Variants in OSBPL5 observed in about 807,000 individuals in gnomAD.
OSBPL5 encodes the protein oxysterol binding protein like 5, also known as oxysterol-binding protein-related protein 5.
A neutral mutation model predicts 111.2 loss-of-function variants in OSBPL5; 71 were observed. The ratio of observed to expected loss-of-function variants is 0.64; its 90% CI spans 0.53 to 0.78. OSBPL5 has a LOEUF of 0.78. Ranked by LOEUF, OSBPL5 falls within the 30% of genes least tolerant of loss-of-function variation. The pLI is 0.00. For missense variants in OSBPL5, 1,210 were observed against 1,189.3 expected, an observed-to-expected ratio of 1.02 and a Z score of -0.26; for synonymous variants, 549 against 513.9, an observed-to-expected ratio of 1.07 and a Z score of -0.93.
At chr11:3,163,357 C>G (rs1008280362) in intron 1 of OSBPL5, among the ~76,000 whole-genome samples, 1 of 152,194 alleles carries the variant, frequency 6.6e-6, no homozygotes, top group Non-Finnish European at 1.5e-5. Flanking sequence ...ACACAGCTGG[C>G]AGAGACACAC....
At chr11:3,108,415 TG>T (rs1857788696) in intron 7 of OSBPL5, among the ~76,000 whole-genome samples, 1 of 152,152 alleles carries the variant, frequency 6.6e-6, no homozygotes, top group East Asian at 1.9e-4. Context: ...CCTCCCTCAC[TG>T]GGAAGCACTG....
intron 14 of OSBPL5, among the ~76,000 whole-genome samples, chr11:3,098,432 C>T (rs1021694072): frequency 6.7e-6 from 1 of 149,680 alleles, no homozygotes; most frequent in African/African-American, 2.5e-5. Context: ...CAAACAAAAA[C>T]CTTCAATCAG....
chr11:3,157,482 G>A (rs1366363851), intron 1 of OSBPL5, among the ~76,000 whole-genome samples: 1 of 152,190 alleles, frequency 6.6e-6, no homozygotes, highest in Non-Finnish European at 1.5e-5. Flanking sequence ...CACCCCGATG[G>A]AGGCAGGCTT....
At chr11:3,108,194 C>G (rs1046715538) in intron 7 of OSBPL5, among the ~76,000 whole-genome samples, 1 of 152,164 alleles carries the variant, frequency 6.6e-6, no homozygotes. Context: ...GAGGCAGACC[C>G]GGCCTGGGGA....
At position 3,126,778 on chromosome 11, in the gene OSBPL5, C is replaced by G. The variant is rs910505651; in HGVS notation, c.137-223G>C. On this transcript the variant is annotated intron_variant, in intron 2 of 21. Coordinates refer to ENST00000263650, the MANE Select transcript of OSBPL5 (RefSeq NM_020896.4). This position sits in a 1 kb window ranked among gnomAD's most constrained non-coding sequence, Gnocchi z 6.5. ...TGTGCCAGGAGAACTGGCAGGGCCT[C>G]CAGGACCTACAGGGAGGAAGCTGGG... 8.9e-6 allele frequency: 4 copies of G among 449,078 alleles called. No homozygotes were observed. The highest frequency in any genetic ancestry group is 1.6e-5 in the Non-Finnish European group (4 of 248,948). The allele number at this position is 449,078 out of a possible 1,614,324, so 27.8% of individuals were successfully genotyped here. A position where few individuals can be genotyped will look rare whatever the true frequency, so the allele number is the denominator to read the frequency against.
chr11:3,088,453 G>A (rs914434661), intron 21 of OSBPL5, 110 bp from the exon 22 acceptor site: 9 of 1,248,488 alleles, frequency 7.2e-6, no homozygotes, highest in Admixed American at 7.6e-5. Flanking sequence ...ACACAGGGCC[G>A]AGGTGGAGAT....
In OSBPL5 at chr11:3,129,143, C is replaced by A; in HGVS notation, c.6G>T (p.Lys2Asn). ...AGCGGCGCCGGAGGAAGGCCTCCTC[C>A]TTCATGCTGTGGGCGCTCGGGGGCT... M[K>N]EEAFLRRRFS... Residue 2 changes from lysine (K) to asparagine (N), a missense_variant, in exon 2 of 22, where the codon AAG (lysine) becomes AAT (asparagine). Lys to Asn is a moderately conservative substitution (Grantham distance 94). Transcript: ENST00000263650. 6.9e-7 allele frequency: 1 copy of A among 1,455,446 alleles called. No individual in the cohort carries two copies. Among genetic ancestry groups the A allele is most frequent in the Non-Finnish European group, 9.1e-7 (1 of 1,097,362 alleles). The allele number at this position is 1,455,446 out of a possible 1,614,324, so 90.2% of individuals were successfully genotyped here. A position where few individuals can be genotyped will look rare whatever the true frequency, so the allele number is the denominator to read the frequency against.
rs1846063781 is a variant in OSBPL5 at position 3,140,178 on chromosome 11, GGTTGAGTCCT to G, written c.-21-11019_-21-11010del. ...CACCATCTCGGGCTGTATTAACAGA[GGTTGAGTCCT>G]CAGAAGGAGGGAGGGGATAATTGCA... On this transcript the variant is annotated intron_variant, in intron 1 of 21. Transcript: ENST00000263650. The surrounding 1 kb of genome is among the most constrained non-coding windows in gnomAD (Gnocchi z 4.5). Among the ~76,000 whole-genome samples the G allele has an allele frequency of 6.6e-6, 1 of 152,244 alleles. No homozygotes were observed. Among genetic ancestry groups the G allele is most frequent in the South Asian group, 2.1e-4 (1 of 4,836 alleles).
At position 3,092,515 on chromosome 11, in the gene OSBPL5, G is replaced by C; in HGVS notation, c.2176C>G (p.Gln726Glu). ...DPLKDIAQFE[Q>E]DGILRTLQQE... Reference sequence around the variant, plus strand: ...TGCAAGGTCCGCAGGATCCCGTCTTGCTCAAACTGGGCGATGTCCTTCAGG... The same window carrying C: ...TGCAAGGTCCGCAGGATCCCGTCTTCCTCAAACTGGGCGATGTCCTTCAGG... Residue 726 changes from glutamine to glutamate, a missense_variant, in exon 19 of 22, where the codon CAA becomes GAA. Physicochemically the swap from Gln to Glu is conservative, Grantham distance 29 (BLOSUM62 2). Transcript: ENST00000263650. This position sits in a 1 kb window ranked among gnomAD's most constrained non-coding sequence, Gnocchi z 5.4. 6.3e-7 allele frequency: 1 copy of C among 1,586,046 alleles called. No individual in the cohort carries two copies. The highest frequency in any genetic ancestry group is 8.6e-7 in the Non-Finnish European group (1 of 1,166,512).
At position 3,120,469 on chromosome 11, in the gene OSBPL5, G is replaced by A; in HGVS notation, c.558C>T (p.Phe186=). Residue 186 remains phenylalanine (F), a synonymous_variant, in exon 6 of 22, where the codon TTC becomes TTT. Transcript: ENST00000263650. ...LIERPSKKDG[F]CFKLFHPLDQ... Reference sequence around the variant, plus strand: ...CCAGCGGGTGGAAGAGCTTGAAGCAGAAGCCGTCCTTCTTGGAGGGCCGCT... The same window carrying A: ...CCAGCGGGTGGAAGAGCTTGAAGCAAAAGCCGTCCTTCTTGGAGGGCCGCT... 6.2e-7 allele frequency: 1 copy of A among 1,613,366 alleles called. No individual in the cohort carries two copies. Among genetic ancestry groups the A allele is most frequent in the Non-Finnish European group, 8.5e-7 (1 of 1,180,040 alleles).
Position 3,116,870 on chromosome 11 carries a change from A to G in OSBPL5, c.691+2677T>C, listed in dbSNP as rs892178462. 5.9e-5 allele frequency among the ~76,000 whole-genome samples: 9 copies of G among 152,096 alleles called. No homozygotes were observed. The East Asian group carries it at 9.7e-4, about 16-fold the overall frequency. On this transcript the variant is annotated intron_variant, in intron 7 of 21. Transcript: ENST00000263650. ...ACTCCATCACAAAAAAAAAAAAAAA[A>G]AAGAAGTGTGAAGTAATCTTTTTGA...
At position 3,104,225 on chromosome 11, in the gene OSBPL5, G is replaced by A. The variant is rs200188482; in HGVS notation, c.1212C>T (p.Ser404=). 2.0e-5 allele frequency: 33 copies of A among 1,612,130 alleles called. No individual in the cohort carries two copies. In the East Asian group the frequency reaches 4.0e-4, roughly 20 times the overall value. Residue 404 remains serine, a synonymous_variant, in exon 10 of 22, where the codon TCC becomes TCT. Transcript: ENST00000263650. This position sits in a 1 kb window ranked among gnomAD's most constrained non-coding sequence, Gnocchi z 5.0. The stretch of plus-strand genomic sequence containing the variant: ...GCAGGTCTGCGTGGTAGTAGTAGTC[G>A]GAGAGCTTGTTCAGGAAGGAGCGCG... ...LEPRSFLNKL[S]DYYYHADLLS...
At chr11:3,128,029 A>C (rs1465224543) in intron 2 of OSBPL5, among the ~76,000 whole-genome samples, 4 of 152,202 alleles carry the variant, frequency 2.6e-5, no homozygotes, top group African/African-American at 9.6e-5. Context: ...GGCCAGGGTG[A>C]ACGTGACAGC....
In OSBPL5 at chr11:3,106,152, G is replaced by A. The variant is rs901434019; in HGVS notation, c.1059+1111C>T. Among the ~76,000 whole-genome samples, 12 of 152,178 alleles carry A rather than the reference G, an allele frequency of 7.9e-5. No homozygotes were observed. The highest frequency in any genetic ancestry group is 1.5e-4 in the Non-Finnish European group (10 of 68,028). On this transcript the variant is annotated intron_variant, in intron 9 of 21. Coordinates refer to ENST00000263650, the MANE Select transcript of OSBPL5 (RefSeq NM_020896.4). The surrounding 1 kb of genome is among the most constrained non-coding windows in gnomAD (Gnocchi z 8.4). ...CTGAGCTCTGTGGGAACAGCAGCCC[G>A]CAGGGAGGCCATGGTGTTCCACTGA...
At chr11:3,089,153 G>T (rs1196376953) in intron 21 of OSBPL5, among the ~76,000 whole-genome samples, 2 of 152,194 alleles carry the variant, frequency 1.3e-5, no homozygotes, top group East Asian at 3.9e-4. Context: ...GCTTACACAG[G>T]GACAATGACA....
chr11:3,102,574 C>A (rs771699514), intron 11 of OSBPL5, among the ~76,000 whole-genome samples: 5 of 152,202 alleles, frequency 3.3e-5, no homozygotes, highest in Non-Finnish European at 5.9e-5. Context: ...TTGGGTGTAA[C>A]CTGCACACAG....
chr11:3,155,496 C>T (rs1240743318), intron 1 of OSBPL5, among the ~76,000 whole-genome samples: 1 of 148,982 alleles, frequency 6.7e-6, no homozygotes, highest in Non-Finnish European at 1.5e-5. Flanking sequence ...GCCACTCCCC[C>T]CAGCTCTGCC....
chr11:3,163,247 T>C (rs149708625), intron 1 of OSBPL5, among the ~76,000 whole-genome samples: 2,165 of 152,306 alleles, frequency 0.014, 19 homozygotes, highest in Middle Eastern at 0.048. Context: ...GGGCACCTTC[T>C]GTCATCTTGG....
chr11:3,157,893 C>T (rs1300736021), intron 1 of OSBPL5, among the ~76,000 whole-genome samples: 1 of 152,238 alleles, frequency 6.6e-6, no homozygotes, highest in East Asian at 1.9e-4. Flanking sequence ...ACATCCTCGA[C>T]CACGGCAGCC....
Sources: gnomAD v4.1 joint callset for allele counts (sites outside exome capture counted in the v4.1 genomes callset) on GRCh38, gnomAD v4.1.1 for gene constraint, Gnocchi (gnomAD v3.1) non-coding constraint, MANE v1.5 for transcripts, NCBI Gene and HGNC (gene_info 2026-07-23, HGNC 2026-07-21) for gene names.